Variants in RAPH1 observed in about 807,000 individuals in gnomAD.
The protein encoded by RAPH1 is Ras association (RalGDS/AF-6) and pleckstrin homology domains 1.
A neutral mutation model predicts 88.1 loss-of-function variants in RAPH1; 18 were observed. That is an observed-to-expected ratio of 0.20 (90% CI 0.14 to 0.30). The LOEUF (loss-of-function observed/expected upper bound fraction) is 0.30, where lower values mean the gene tolerates loss of function less well. RAPH1 is among the 10% of genes least tolerant of loss of function. RAPH1 has a pLI of 1.00. For synonymous variants in RAPH1, 587 were observed against 559.0 expected (o/e 1.05, Z -0.71); for missense variants, 1,448 against 1,543.2 (o/e 0.94, Z 1.03).
At chr2:203,477,801 G>A (rs1687532929) in intron 4 of RAPH1, among the ~76,000 whole-genome samples, 1 of 151,976 alleles carries the variant, frequency 6.6e-6, no homozygotes, top group African/African-American at 2.4e-5. Context: ...CAACTAATCA[G>A]TACATTGGGG....
In RAPH1 at chr2:203,508,675, A is replaced by G. The variant is rs972054736; in HGVS notation, c.1-13322T>C. Among the ~76,000 whole-genome samples the G allele has an allele frequency of 5.3e-5, 8 of 152,202 alleles. No homozygotes were observed. The South Asian group carries it at 1.2e-3, about 24-fold the overall frequency. ...CCTGTGTTGTTCAAGTGTCAACAGT[A>G]TATCAAAATAAATTAAGAAAGAGAG... On this transcript the variant is annotated intron_variant, in intron 1 of 13. Coordinates refer to ENST00000319170, the MANE Select transcript of RAPH1 (RefSeq NM_213589.3).
At chr2:203,485,256 C>G (rs991733055) in intron 4 of RAPH1, among the ~76,000 whole-genome samples, 1 of 151,912 alleles carries the variant, frequency 6.6e-6, no homozygotes, top group Admixed American at 6.6e-5. Context: ...AAAAGAAATA[C>G]AAAAATTAGC....
intron 10 of RAPH1, among the ~76,000 whole-genome samples, chr2:203,452,937 AAAATAAAT>A (rs573952989): frequency 1.2e-4 from 18 of 152,148 alleles, no homozygotes; most frequent in African/African-American, 4.3e-4. Context: ...GACTGTCTCA[AAAATAAAT>A]AAATAAATAA....
chr2:203,469,057 G>A (rs527901639), intron 4 of RAPH1, among the ~76,000 whole-genome samples: 2 of 152,336 alleles, frequency 1.3e-5, no homozygotes, highest in Admixed American at 1.3e-4. Context: ...CTAAACACCT[G>A]TGGGATTTAA....
chr2:203,482,001 T>TTCTGCAGAAAAAAAAAACACACACAC (rs1415802969), intron 4 of RAPH1, among the ~76,000 whole-genome samples: 2 of 138,232 alleles, frequency 1.4e-5, no homozygotes, highest in Admixed American at 1.5e-4. Flanking sequence ...TGCTTTTTAC[T>TTCTGCAGAAAAAAAAAACACACACAC]TCTGCAGAAA....
intron 1 of RAPH1, among the ~76,000 whole-genome samples, chr2:203,520,934 T>A (rs1036703582): frequency 9.9e-5 from 15 of 152,162 alleles, no homozygotes; most frequent in African/African-American, 3.6e-4. Flanking sequence ...CCTAACTATC[T>A]AACTGTCCCC....
At chr2:203,512,545 T>C (rs1048317299) in intron 1 of RAPH1, among the ~76,000 whole-genome samples, 4 of 151,226 alleles carry the variant, frequency 2.6e-5, no homozygotes, top group Non-Finnish European at 5.9e-5. Context: ...GTGACAAGAA[T>C]AGTCTAAAAA....
At position 203,490,036 on chromosome 2, in the gene RAPH1, A is replaced by C; in HGVS notation, c.280T>G (p.Cys94Gly). 1 of 1,614,182 alleles carries C rather than the reference A, an allele frequency of 6.2e-7. No homozygotes were observed. Among genetic ancestry groups the C allele is most frequent in the Non-Finnish European group, 8.5e-7 (1 of 1,179,980 alleles). Residue 94 changes from cysteine (C) to glycine (G), a missense_variant, in exon 4 of 14, where the codon TGC becomes GGC. Coordinates refer to ENST00000319170, the MANE Select transcript of RAPH1 (RefSeq NM_213589.3). Reference protein sequence around the residue: ...VDLDALMADLCSIEQELSSIG... With the variant: ...VDLDALMADLGSIEQELSSIG... ...CTGCTGAGCTCCTGCTCTATAGAGCAAAGATCAGCCATCAAGGCATCCAGA... is the reference window on the plus strand; with the variant it reads ...CTGCTGAGCTCCTGCTCTATAGAGCCAAGATCAGCCATCAAGGCATCCAGA...
intron 12 of RAPH1, chr2:203,446,401 A>G (rs2153635825): frequency 6.6e-6 from 1 of 152,346 alleles, no homozygotes; most frequent in East Asian, 1.9e-4. Context: ...TGGTTGTGGC[A>G]GTGTTTGTCA....
intron 9 of RAPH1, among the ~76,000 whole-genome samples, chr2:203,455,140 G>A (rs2098518239): frequency 6.6e-6 from 1 of 151,900 alleles, no homozygotes; most frequent in Admixed American, 6.6e-5. Flanking sequence ...GAGCTGTGCT[G>A]TTCTTCCCAA....
At chr2:203,442,884 G>A (rs1392590344) in intron 13 of RAPH1, 1 of 152,124 alleles carries the variant, frequency 6.6e-6, no homozygotes, top group East Asian at 1.9e-4. Flanking sequence ...TTAGTAATTT[G>A]GTAAGGCAAA....
chr2:203,509,871 C>T (rs924557976), intron 1 of RAPH1, among the ~76,000 whole-genome samples: 1 of 152,084 alleles, frequency 6.6e-6, no homozygotes, highest in Non-Finnish European at 1.5e-5. Context: ...CTCCCCCCTA[C>T]TCTTGCCCCT....
intron 1 of RAPH1, among the ~76,000 whole-genome samples, chr2:203,512,093 CAG>C (rs1689365169): frequency 6.6e-6 from 1 of 151,802 alleles, no homozygotes; most frequent in African/African-American, 2.4e-5. Flanking sequence ...AGCCTGGTGA[CAG>C]AGTGAGACTC....
intron 4 of RAPH1, among the ~76,000 whole-genome samples, chr2:203,465,015 T>C (rs1472995362): frequency 3.9e-5 from 6 of 152,306 alleles, no homozygotes; most frequent in East Asian, 3.9e-4. Flanking sequence ...TGTGGAACAA[T>C]AGGAACTCTC....
At chr2:203,507,421 G>A (rs1689140894) in intron 1 of RAPH1, among the ~76,000 whole-genome samples, 1 of 152,064 alleles carries the variant, frequency 6.6e-6, no homozygotes. Context: ...AAAACTAGTA[G>A]GTGAAAATTT....
At chr2:203,526,790 C>CT (rs58295102) in intron 1 of RAPH1, among the ~76,000 whole-genome samples, 13,952 of 136,904 alleles carry the variant, frequency 0.1, 1,371 homozygotes, top group African/African-American at 0.26. Context: ...TTTTCTTTTT[C>CT]TTTTTTTTTT....
At chr2:203,509,482 A>G (rs1178705260) in intron 1 of RAPH1, among the ~76,000 whole-genome samples, 2 of 152,232 alleles carry the variant, frequency 1.3e-5, no homozygotes, top group African/African-American at 4.8e-5. Flanking sequence ...TACAGTAAAT[A>G]CAGACTTCAA....
At chr2:203,444,457 G>GA in intron 13 of RAPH1, 1 of 157,056 alleles carries the variant, frequency 6.4e-6, no homozygotes, top group Non-Finnish European at 1.3e-5. Flanking sequence ...AAAGGAAGAA[G>GA]AAAAAAAGAC....
intron 4 of RAPH1, among the ~76,000 whole-genome samples, chr2:203,472,588 T>G (rs2098534134): frequency 6.6e-6 from 1 of 152,242 alleles, no homozygotes; most frequent in Non-Finnish European, 1.5e-5. Flanking sequence ...GTAACATGTA[T>G]TTCAAGAAAT....
Sources: gnomAD v4.1 joint callset for allele counts (sites outside exome capture counted in the v4.1 genomes callset) on GRCh38, gnomAD v4.1.1 for gene constraint, MANE v1.5 for transcripts, NCBI Gene and HGNC (gene_info 2026-07-23, HGNC 2026-07-21) for gene names.